The following IRAK1BP1 variants were observed in gnomAD, a reference collection of about 807,000 sequenced individuals.
IRAK1BP1 encodes interleukin-1 receptor-associated kinase 1-binding protein 1.
Under a neutral mutation model 28.0 loss-of-function variants are expected in IRAK1BP1, and 24 were observed. The observed-to-expected ratio is 0.86, with a 90% CI of 0.62 to 1.20. The LOEUF is 1.20. IRAK1BP1 is among the 50% of genes most tolerant of loss of function. IRAK1BP1 has a pLI of 0.00. For missense variants in IRAK1BP1, 336 were observed against 316.7 expected, an observed-to-expected ratio of 1.06 and a Z score of -0.46; for synonymous variants, 131 against 116.3, an observed-to-expected ratio of 1.13 and a Z score of -0.81.
chr6:78,974,695 C>T, the IRAK1BP1 span, among the ~76,000 whole-genome samples: 1 of 152,064 alleles, frequency 6.6e-6, no homozygotes, highest in East Asian at 1.9e-4. Context: ...GGGGATATCA[C>T]CACCGATCCC....
intron 4 of IRAK1BP1, among the ~76,000 whole-genome samples, chr6:78,911,535 A>G (rs1011875385): frequency 6.6e-6 from 1 of 152,164 alleles, no homozygotes; most frequent in Non-Finnish European, 1.5e-5. Flanking sequence ...GTTTCTCTGG[A>G]TGATTTACTC....
the IRAK1BP1 span, among the ~76,000 whole-genome samples, chr6:78,971,800 C>T: frequency 9.2e-5 from 14 of 152,142 alleles, no homozygotes; most frequent in East Asian, 3.9e-4. Context: ...CACTCCCACC[C>T]GAATACTGCG....
intron 2 of IRAK1BP1, among the ~76,000 whole-genome samples, chr6:78,895,228 A>G (rs765220008): frequency 1.3e-5 from 2 of 152,206 alleles, no homozygotes; most frequent in African/African-American, 4.8e-5. Flanking sequence ...TGAATTTTAA[A>G]ACATACTTTT....
At chr6:78,882,173 C>T (rs1771253038) in intron 1 of IRAK1BP1, among the ~76,000 whole-genome samples, 1 of 152,010 alleles carries the variant, frequency 6.6e-6, no homozygotes, top group African/African-American at 2.4e-5. Flanking sequence ...AGGGCTTATT[C>T]TAGGACTGGG....
rs1772007101 is a variant in IRAK1BP1, at chr6:78,899,024, T to A, written c.*690T>A. Reference sequence around the variant, plus strand: ...AGCATGAGCATCAGCACATTCTCATTGCTTCCCCTTGTCCCAGGTCCCATG... The same window carrying A: ...AGCATGAGCATCAGCACATTCTCATAGCTTCCCCTTGTCCCAGGTCCCATG... On this transcript the variant is annotated 3_prime_UTR_variant, in exon 4 of 4. Transcript: ENST00000369940. 6.6e-6 allele frequency: 1 copy of A among 152,178 alleles called. No individual in the cohort carries two copies. The highest frequency in any genetic ancestry group is 2.4e-5 in the African/African-American group (1 of 41,440). 9.4% of individuals were successfully genotyped at this position (152,178 alleles called of 1,614,324 possible). A position where few individuals can be genotyped will look rare whatever the true frequency, so the allele number is the denominator to read the frequency against.
intron 1 of IRAK1BP1, among the ~76,000 whole-genome samples, chr6:78,880,691 A>G (rs1204643948): frequency 6.6e-6 from 1 of 152,234 alleles, no homozygotes; most frequent in African/African-American, 2.4e-5. Flanking sequence ...CAGCAGTAAC[A>G]AACAGCTCAA....
In IRAK1BP1 at chr6:78,885,403, AT is replaced by A; in HGVS notation, c.345del (p.Phe115LeufsTer35). The A allele has an allele frequency of 6.3e-7, 1 of 1,584,310 alleles. No homozygotes were observed. The highest frequency in any genetic ancestry group is 8.6e-7 in the Non-Finnish European group (1 of 1,158,636). On this transcript the variant is annotated frameshift_variant, in exon 2 of 4. Coordinates refer to ENST00000369940, the MANE Select transcript of IRAK1BP1 (RefSeq NM_001010844.4). LOFTEE classifies it high-confidence loss of function. ...GCAGAAAATATAACTGTGACAAAGGATTTTAGGAGAGTGGAAAATGCTTATC... is the reference window on the plus strand; with the variant it reads ...GCAGAAAATATAACTGTGACAAAGGATTTAGGAGAGTGGAAAATGCTTATC... ...VQAENITVTK[D>X]FRRVENAYHM...
At chr6:78,972,980 C>G in the IRAK1BP1 span, among the ~76,000 whole-genome samples, 1 of 151,924 alleles carries the variant, frequency 6.6e-6, no homozygotes, top group African/African-American at 2.4e-5. Context: ...AGAATTTCCC[C>G]AATCTAGCAA....
the IRAK1BP1 span, among the ~76,000 whole-genome samples, chr6:78,977,065 A>G: frequency 2.3e-5 from 3 of 131,250 alleles, no homozygotes; most frequent in African/African-American, 8.5e-5. Context: ...TGCTATAAAG[A>G]CACATGCACA....
intron 1 of IRAK1BP1, among the ~76,000 whole-genome samples, chr6:78,870,659 C>G (rs1015831925): frequency 2.6e-5 from 4 of 152,160 alleles, no homozygotes; most frequent in Non-Finnish European, 5.9e-5. Context: ...AATATTTACT[C>G]ATTCAACCAA....
chr6:78,887,869 A>G (rs1771486582), intron 2 of IRAK1BP1, among the ~76,000 whole-genome samples: 1 of 152,202 alleles, frequency 6.6e-6, no homozygotes, highest in Non-Finnish European at 1.5e-5. Context: ...ATCCAAAAGA[A>G]CTGACATCAG....
chr6:78,968,855 A>G, the IRAK1BP1 span, among the ~76,000 whole-genome samples: 2 of 151,224 alleles, frequency 1.3e-5, no homozygotes, highest in African/African-American at 4.9e-5. Flanking sequence ...CACAAAGACA[A>G]ACTTGTTAGA....
intron 4 of IRAK1BP1, among the ~76,000 whole-genome samples, chr6:78,917,040 G>A (rs1156280849): frequency 1.3e-5 from 2 of 151,958 alleles, no homozygotes; most frequent in African/African-American, 4.8e-5. Flanking sequence ...TACCACCAAA[G>A]GATCACACCA....
At chr6:78,973,411 C>T in the IRAK1BP1 span, among the ~76,000 whole-genome samples, 23 of 149,040 alleles carry the variant, frequency 1.5e-4, no homozygotes, top group East Asian at 7.8e-4. Context: ...CGGTACCAGC[C>T]GCTGCAAAAT....
At chr6:78,955,345 A>T in the IRAK1BP1 span, 2 of 1,139,118 alleles carry the variant, frequency 1.8e-6, no homozygotes, top group Non-Finnish European at 1.3e-6. Flanking sequence ...TTTATAGTTG[A>T]TTAACTAGCA....
intron 4 of IRAK1BP1, chr6:78,940,571 T>TTTTTTTTTC (rs1773449183): frequency 5.1e-6 from 1 of 196,666 alleles, no homozygotes; most frequent in Non-Finnish European, 1.0e-5. Context: ...TTTTTTTTTT[T>TTTTTTTTTC]GCAAATCAAA....
the IRAK1BP1 span, among the ~76,000 whole-genome samples, chr6:78,968,296 C>T: frequency 6.6e-6 from 1 of 152,162 alleles, no homozygotes; most frequent in Non-Finnish European, 1.5e-5. Context: ...CAATTTTTGA[C>T]AGTAAGTATC....
At chr6:78,970,819 T>C in the IRAK1BP1 span, 6 of 1,611,512 alleles carry the variant, frequency 3.7e-6, no homozygotes, top group Non-Finnish European at 5.1e-6. Context: ...TTTTTGGGAT[T>C]GATACTATAT....
chr6:78,922,905 C>A (rs1471270475), intron 4 of IRAK1BP1, among the ~76,000 whole-genome samples: 4 of 152,106 alleles, frequency 2.6e-5, no homozygotes, highest in South Asian at 2.1e-4. Flanking sequence ...GCCTGCCCTA[C>A]AAGAGCTCCT....
Sources: allele counts gnomAD v4.1 joint callset (sites outside exome capture counted in the v4.1 genomes callset), GRCh38; gene constraint gnomAD v4.1.1; transcripts MANE v1.5; gene names NCBI Gene and HGNC (gene_info 2026-07-23, HGNC 2026-07-21).